Variants in DIAPH2 observed in about 807,000 individuals in gnomAD.
The protein encoded by DIAPH2 is diaphanous related formin 2.
In DIAPH2, 35 loss-of-function variants were observed where a neutral mutation model predicts 92.7. The ratio of observed to expected loss-of-function variants is 0.38; its 90% CI spans 0.29 to 0.50. DIAPH2 has a LOEUF of 0.50. DIAPH2 is among the 20% of genes least tolerant of loss of function. The pLI is 0.94. For missense variants in DIAPH2, 701 were observed against 819.5 expected (o/e 0.86, Z 1.77); for synonymous variants, 301 against 280.4 (o/e 1.07, Z -0.73).
chrX:96,796,363 A>G (rs1425864231), intron 4 of DIAPH2, among the ~76,000 whole-genome samples: 2 of 110,530 alleles, frequency 1.8e-5, no homozygotes, highest in Non-Finnish European at 3.8e-5. Context: ...TATTTTTAGT[A>G]GAGACGGGGT....
chrX:97,157,661 C>T (rs1252597759), intron 22 of DIAPH2, among the ~76,000 whole-genome samples: 2 of 111,051 alleles, frequency 1.8e-5, no homozygotes, highest in East Asian at 5.7e-4. Context: ...CTTTGGACTG[C>T]GGACTCACCT....
chrX:97,356,038 A>G (rs2069263553), intron 24 of DIAPH2, among the ~76,000 whole-genome samples: 1 of 112,025 alleles, frequency 8.9e-6, no homozygotes, highest in African/African-American at 3.2e-5. Flanking sequence ...GTGTGGGCCA[A>G]GGGTACAGTT....
At chrX:96,872,333 C>T (rs1406430295) in intron 4 of DIAPH2, among the ~76,000 whole-genome samples, 1 of 110,977 alleles carries the variant, frequency 9.0e-6, no homozygotes, top group African/African-American at 3.3e-5. Flanking sequence ...ATTTTTGCTC[C>T]CACAAATGAG....
intron 23 of DIAPH2, among the ~76,000 whole-genome samples, chrX:97,336,931 A>G (rs1298296814): frequency 1.1e-5 from 1 of 90,020 alleles, no homozygotes; most frequent in Non-Finnish European, 2.4e-5. Flanking sequence ...CTTATTTAAA[A>G]GCATTTTTTT....
intron 19 of DIAPH2, among the ~76,000 whole-genome samples, chrX:97,083,791 G>A (rs1212832870): frequency 8.9e-6 from 1 of 112,036 alleles, no homozygotes; most frequent in African/African-American, 3.2e-5. Context: ...CTTCGTGACA[G>A]GTTTTGGACA....
chrX:97,575,883 C>G (rs2071396985), intron 26 of DIAPH2, among the ~76,000 whole-genome samples: 2 of 112,018 alleles, frequency 1.8e-5, no homozygotes, highest in African/African-American at 3.2e-5. Flanking sequence ...CTGAAAATTA[C>G]TAACACGTTG....
intron 26 of DIAPH2, among the ~76,000 whole-genome samples, chrX:97,559,834 A>G (rs746664734): frequency 8.9e-6 from 1 of 112,140 alleles, no homozygotes; most frequent in Non-Finnish European, 1.9e-5. Context: ...TCCAGCCCCA[A>G]TTTATATAAT....
chrX:96,914,974 A>G (rs1402835146), intron 7 of DIAPH2, among the ~76,000 whole-genome samples: 10 of 111,155 alleles, frequency 9.0e-5, no homozygotes, highest in African/African-American at 3.3e-4. Flanking sequence ...TGACTTACAC[A>G]TCAAATTTTT....
At chrX:97,477,580 G>A (rs902710339) in intron 26 of DIAPH2, among the ~76,000 whole-genome samples, 1 of 111,112 alleles carries the variant, frequency 9.0e-6, no homozygotes, top group Non-Finnish European at 1.9e-5. Context: ...ACTCCAACCT[G>A]GGTGACAGAG....
intron 26 of DIAPH2, among the ~76,000 whole-genome samples, chrX:97,454,928 A>G (rs779142092): frequency 8.5e-4 from 95 of 112,263 alleles, no homozygotes; most frequent in African/African-American, 2.9e-3. Context: ...TGGTCTATTT[A>G]GAGAAGAAAC....
chrX:97,220,503 C>T (rs1430722493), intron 22 of DIAPH2, among the ~76,000 whole-genome samples: 1 of 111,713 alleles, frequency 9.0e-6, no homozygotes, highest in Non-Finnish European at 1.9e-5. Context: ...ACCATCTGCT[C>T]CCCCACCACC....
In DIAPH2 at chrX:97,183,852, A is replaced by G. The variant is rs1231687610; in HGVS notation, c.2719+42058A>G. Among the ~76,000 whole-genome samples, 3 of 112,258 alleles carry G rather than the reference A, an allele frequency of 2.7e-5. No homozygotes were observed. The East Asian group carries it at 8.3e-4, about 31-fold the overall frequency. On this transcript the variant is annotated intron_variant, in intron 22 of 26. Transcript: ENST00000324765. ...CAAAAAAATGAGAAAGAAAATGGAC[A>G]TTATTTGTATTTTGTAGGCTCTCTG...
At chrX:97,171,736 C>G (rs1188972142) in intron 22 of DIAPH2, among the ~76,000 whole-genome samples, 1 of 111,572 alleles carries the variant, frequency 9.0e-6, no homozygotes, top group African/African-American at 3.3e-5. Context: ...GTCAGGAGAT[C>G]GAGACCATCC....
intron 26 of DIAPH2, among the ~76,000 whole-genome samples, chrX:97,559,617 C>G (rs766498228): frequency 8.9e-6 from 1 of 112,063 alleles, no homozygotes; most frequent in Admixed American, 9.4e-5. Context: ...ATAGTGTAGT[C>G]TTACATGTCT....
In DIAPH2 at chrX:97,570,788, G is replaced by T. The variant is rs139723219; in HGVS notation, c.3242-28465G>T. ...GCCTACAGAAGATGTACTTATCATT[G>T]GCCTTTAATGATACAGACATTGCCA... On this transcript the variant is annotated intron_variant, in intron 26 of 26. Transcript: ENST00000324765. Among the ~76,000 whole-genome samples, 859 of 111,191 alleles carry T rather than the reference G, an allele frequency of 7.7e-3. 6 individuals carry two copies. Among genetic ancestry groups the T allele is most frequent in the African/African-American group, 0.027 (814 of 30,671 alleles).
intron 18 of DIAPH2, among the ~76,000 whole-genome samples, chrX:97,074,398 CTG>C (rs755362109): frequency 3.6e-5 from 4 of 111,278 alleles, no homozygotes; most frequent in African/African-American, 9.8e-5. Flanking sequence ...AAGAACGAAA[CTG>C]TCTCAAAAAA....
rs773231483 is a variant in DIAPH2 at position 97,510,113 on chromosome X, A to C, written c.3241+80368A>C. ...ACTTCCACAATGGTTGAACTAGTTT[A>C]CAGTCCCACCAACAGTGTAAAAGTG... is the stretch of plus-strand genomic sequence containing the variant. On this transcript the variant is annotated intron_variant, in intron 26 of 26. Transcript: ENST00000324765. Among the ~76,000 whole-genome samples, 155 of 110,128 alleles carry C rather than the reference A, an allele frequency of 1.4e-3. 2 individuals carry two copies. Among genetic ancestry groups the C allele is most frequent in the African/African-American group, 4.8e-3 (145 of 30,137 alleles).
chrX:97,509,028 T>G (rs1259241030), intron 26 of DIAPH2, among the ~76,000 whole-genome samples: 1 of 96,902 alleles, frequency 1.0e-5, no homozygotes, highest in Admixed American at 1.1e-4. Context: ...TATTTATTTA[T>G]TTATTTATTT....
At chrX:97,218,999 T>C (rs937024832) in intron 22 of DIAPH2, among the ~76,000 whole-genome samples, 1 of 112,104 alleles carries the variant, frequency 8.9e-6, no homozygotes, top group Non-Finnish European at 1.9e-5. Context: ...AACTCATACT[T>C]AAAACAATAA....
Sources: allele counts gnomAD v4.1 joint callset (sites outside exome capture counted in the v4.1 genomes callset), GRCh38; gene constraint gnomAD v4.1.1; transcripts MANE v1.5; gene names NCBI Gene and HGNC (gene_info 2026-07-23, HGNC 2026-07-21).